Variants in HECTD2 observed in about 807,000 individuals in gnomAD.
HECTD2 encodes HECT domain E3 ubiquitin protein ligase 2, also known as probable E3 ubiquitin-protein ligase HECTD2.
A neutral mutation model predicts 103.2 loss-of-function variants in HECTD2; 35 were observed. The observed-to-expected ratio is 0.34, with a 90% CI of 0.26 to 0.45. The LOEUF is 0.45. Among genes scored for constraint, HECTD2 ranks in the 20% least tolerant of loss-of-function variants. The probability of loss-of-function intolerance (pLI) is 1.00; values close to 1 mark genes in which losing one functional copy is unlikely to be tolerated. For synonymous variants in HECTD2, 281 were observed against 329.9 expected, an observed-to-expected ratio of 0.85 and a Z score of 1.61; for missense variants, 596 against 937.4, an observed-to-expected ratio of 0.64 and a Z score of 4.76.
chr10:91,434,560 A>G (rs985762651), intron 2 of HECTD2, among the ~76,000 whole-genome samples: 3 of 151,982 alleles, frequency 2.0e-5, no homozygotes, highest in Non-Finnish European at 4.4e-5. Context: ...CCTACGTTTT[A>G]TTATTTAAAT....
chr10:91,502,929 C>G (rs1846962569), intron 20 of HECTD2, among the ~76,000 whole-genome samples: 1 of 152,110 alleles, frequency 6.6e-6, no homozygotes, highest in Non-Finnish European at 1.5e-5. Flanking sequence ...AGCTGACTAT[C>G]AAAGACATAC....
At chr10:91,464,067 T>C (rs1237490490) in intron 5 of HECTD2, among the ~76,000 whole-genome samples, 1 of 152,214 alleles carries the variant, frequency 6.6e-6, no homozygotes, top group East Asian at 1.9e-4. Context: ...CTGAGTCTTA[T>C]GATCTTCAGC....
chr10:91,476,171 A>G (rs1222425965), intron 5 of HECTD2, among the ~76,000 whole-genome samples: 2 of 152,218 alleles, frequency 1.3e-5, no homozygotes, highest in African/African-American at 2.4e-5. Flanking sequence ...AGATAAGGAA[A>G]AACTTTAATA....
chr10:91,450,175 A>G (rs1466305186), intron 2 of HECTD2, among the ~76,000 whole-genome samples: 1 of 152,148 alleles, frequency 6.6e-6, no homozygotes, highest in Non-Finnish European at 1.5e-5. Context: ...ACCAAAACAG[A>G]TATATAAACC....
In HECTD2 at chr10:91,481,153, A is replaced by G. The variant is rs757378952; in HGVS notation, c.711+14A>G. On this transcript the variant is annotated intron_variant, in intron 7 of 20. Transcript: ENST00000298068. ...ATACTTTTACAGGTAAGAGAACCAG[A>G]ACCTAGTTGAAGTTGTCTAAGTCAG... 2 of 1,462,832 alleles carry G rather than the reference A, an allele frequency of 1.4e-6. No individual in the cohort carries two copies. The highest frequency in any genetic ancestry group is 1.9e-6 in the Non-Finnish European group (2 of 1,065,276). 90.6% of individuals were successfully genotyped at this position (1,462,832 alleles called of 1,614,324 possible).
intron 2 of HECTD2, among the ~76,000 whole-genome samples, chr10:91,453,905 G>T (rs1844945933): frequency 6.6e-6 from 1 of 151,978 alleles, no homozygotes; most frequent in African/African-American, 2.4e-5. Context: ...CAGATAAAGT[G>T]GACTTAGAAC....
At chr10:91,493,360 C>G in intron 13 of HECTD2, 60 bp from the exon 14 acceptor site, 1 of 826,364 alleles carries the variant, frequency 1.2e-6, no homozygotes. Context: ...TACATGTTTA[C>G]CACTTTGATT....
chr10:91,473,073 A>T (rs1380300335), intron 5 of HECTD2, among the ~76,000 whole-genome samples: 1 of 152,224 alleles, frequency 6.6e-6, no homozygotes, highest in African/African-American at 2.4e-5. Flanking sequence ...TATATTTAAT[A>T]CCTGGGAGTT....
intron 2 of HECTD2, among the ~76,000 whole-genome samples, chr10:91,428,364 T>C (rs974174051): frequency 2.0e-5 from 3 of 150,914 alleles, no homozygotes; most frequent in Non-Finnish European, 2.9e-5. Flanking sequence ...ATGCGGGCTC[T>C]TTTTTGGTTC....
rs1333025102 is a variant in HECTD2, at chr10:91,410,468, C to G, written c.30C>G (p.Pro10=). 37 of 1,462,214 alleles carry G rather than the reference C, an allele frequency of 2.5e-5. No individual in the cohort carries two copies. The highest frequency in any genetic ancestry group is 3.1e-5 in the Non-Finnish European group (34 of 1,111,262). 90.6% of individuals were successfully genotyped at this position (1,462,214 alleles called of 1,614,324 possible). A position where few individuals can be genotyped will look rare whatever the true frequency, so the allele number is the denominator to read the frequency against. The change falls in exon 1 of 21, where the codon CCC becomes CCG. Residue 10 remains proline, a synonymous_variant. Coordinates refer to ENST00000298068, the MANE Select transcript of HECTD2 (RefSeq NM_182765.6). ...GTGAGGCGGTTCGGGTACCCTCGCC[C>G]GCCACTCCGCTGGTGGTGGCGGCGC... MSEAVRVPS[P]ATPLVVAAPA... is the part of the protein sequence containing the mutation.
At chr10:91,508,381 AG>A (rs1384949304) in intron 20 of HECTD2, among the ~76,000 whole-genome samples, 2 of 150,494 alleles carry the variant, frequency 1.3e-5, no homozygotes, top group African/African-American at 4.9e-5. Flanking sequence ...CATCTGACAA[AG>A]GGCTAATATC....
At chr10:91,497,972 TA>T (rs777744189) in intron 15 of HECTD2, 135 bp from the exon 16 acceptor site, 23 of 610,620 alleles carry the variant, frequency 3.8e-5, no homozygotes, top group Admixed American at 1.1e-4. Flanking sequence ...TAGAAATCAT[TA>T]ACCATTTTGT....
chr10:91,511,827 T>C (rs12244852), intron 20 of HECTD2, among the ~76,000 whole-genome samples: 10,071 of 152,112 alleles, frequency 0.066, 895 homozygotes, highest in African/African-American at 0.2. Flanking sequence ...GGCCCTGGGG[T>C]TGGGAACTCC....
At chr10:91,456,139 G>C (rs1470312514) in intron 2 of HECTD2, among the ~76,000 whole-genome samples, 2 of 152,098 alleles carry the variant, frequency 1.3e-5, no homozygotes, top group Non-Finnish European at 2.9e-5. Flanking sequence ...TGGGGGGGTG[G>C]CATTGAATCT....
At chr10:91,429,030 T>C (rs1488967544) in intron 2 of HECTD2, among the ~76,000 whole-genome samples, 1 of 152,176 alleles carries the variant, frequency 6.6e-6, no homozygotes, top group Non-Finnish European at 1.5e-5. Flanking sequence ...TAGATAGCTC[T>C]TATTATTTTG....
chr10:91,474,765 AAGAT>A lies in HECTD2; in HGVS notation c.601-3434_601-3431del. On this transcript the variant is annotated intron_variant, in intron 5 of 20. Transcript: ENST00000298068. The stretch of plus-strand genomic sequence containing the variant: ...ATAAATGTGAAAACAAATGTGAAGA[AAGAT>A]AATTTCAGATACTGATAAGTGCTTC... Among the ~76,000 whole-genome samples, 4 of 152,336 alleles carry A rather than the reference AAGAT, an allele frequency of 2.6e-5. No homozygotes were observed. In the South Asian group the frequency reaches 8.3e-4, roughly 32 times the overall value.
chr10:91,425,887 TATAACATAGGTAAAAAG>T (rs1274540388), intron 2 of HECTD2, among the ~76,000 whole-genome samples: 3 of 151,962 alleles, frequency 2.0e-5, no homozygotes, highest in Non-Finnish European at 4.4e-5. Context: ...GTTATAACGA[TATAACATAGGTAAAAAG>T]ATAAATGGAA....
chr10:91,512,167 A>G, intron 20 of HECTD2, 97 bp from the exon 21 acceptor site: 1 of 1,287,488 alleles, frequency 7.8e-7, no homozygotes, highest in Non-Finnish European at 1.1e-6. Context: ...AGTGAAATAG[A>G]TTTGAATGTG....
chr10:91,411,704 CG>C, intron 1 of HECTD2, among the ~76,000 whole-genome samples: 1 of 152,228 alleles, frequency 6.6e-6, no homozygotes, highest in East Asian at 1.9e-4. Flanking sequence ...CAGCAAATTG[CG>C]AACAGTAATG....
Sources: allele counts gnomAD v4.1 joint callset (sites outside exome capture counted in the v4.1 genomes callset), GRCh38; gene constraint gnomAD v4.1.1; transcripts MANE v1.5; gene names NCBI Gene and HGNC (gene_info 2026-07-23, HGNC 2026-07-21).